The following NTSR1 variants were observed in gnomAD, a reference collection of about 807,000 sequenced individuals.
NTSR1 encodes the protein neurotensin receptor 1.
In NTSR1, 29 loss-of-function variants were observed where a neutral mutation model predicts 31.2. That is an observed-to-expected ratio of 0.93 (90% CI 0.69 to 1.27). The LOEUF is 1.27. NTSR1 is among the 50% of genes most tolerant of loss of function. The pLI is 0.00. For synonymous variants in NTSR1, 282 were observed against 269.9 expected, an observed-to-expected ratio of 1.04 and a Z score of -0.44; for missense variants, 697 against 595.4, an observed-to-expected ratio of 1.17 and a Z score of -1.78.
chr20:62,742,700 C>T lies in NTSR1; in HGVS notation c.715-11985C>T, dbSNP rs1989225812. Among the ~76,000 whole-genome samples the T allele has an allele frequency of 6.7e-6, 1 of 149,432 alleles. No homozygotes were observed. The highest frequency in any genetic ancestry group is 1.5e-5 in the Non-Finnish European group (1 of 67,998). On this transcript the variant is annotated intron_variant, in intron 1 of 3. Transcript: ENST00000370501. This position sits in a 1 kb window ranked among gnomAD's most constrained non-coding sequence, Gnocchi z 7.1. ...CCATGGTGTCTCCTCTGAGGACAGC[C>T]ACTGGTCAGAGCCTCCTGGATGACC...
chr20:62,737,874 C>A (rs972399621), intron 1 of NTSR1, among the ~76,000 whole-genome samples: 13 of 148,286 alleles, frequency 8.8e-5, no homozygotes, highest in African/African-American at 2.5e-4. Context: ...ACCCCCCACA[C>A]CCCTGCACCA....
chr20:62,760,409 C>A lies in NTSR1; in HGVS notation c.*142C>A, dbSNP rs1465001230. 9 of 782,476 alleles carry A rather than the reference C, an allele frequency of 1.2e-5. No individual in the cohort carries two copies. The highest frequency in any genetic ancestry group is 9.2e-5 in the African/African-American group (5 of 54,322). 48.5% of individuals were successfully genotyped at this position (782,476 alleles called of 1,614,324 possible). On this transcript the variant is annotated 3_prime_UTR_variant, in exon 4 of 4. Transcript: ENST00000370501. ...TGGAGTCTGAGGCCTGGGACCCCCC[C>A]CTCCCACCCCCTAACCCATGTTTCT...
chr20:62,718,186 G>A (rs986394262), intron 1 of NTSR1, among the ~76,000 whole-genome samples: 1 of 152,218 alleles, frequency 6.6e-6, no homozygotes, highest in Non-Finnish European at 1.5e-5. Context: ...TATTCTGGAA[G>A]AAGTGAGTGG....
At position 62,743,115 on chromosome 20, in the gene NTSR1, G is replaced by A. The variant is rs796199890; in HGVS notation, c.715-11570G>A. Among the ~76,000 whole-genome samples, 35 of 149,532 alleles carry A rather than the reference G, an allele frequency of 2.3e-4. 2 individuals are homozygous for A. The highest frequency in any genetic ancestry group is 8.0e-4 in the African/African-American group (32 of 40,110). On this transcript the variant is annotated intron_variant, in intron 1 of 3. Coordinates refer to ENST00000370501, the MANE Select transcript of NTSR1 (RefSeq NM_002531.3). The surrounding 1 kb of genome is among the most constrained non-coding windows in gnomAD (Gnocchi z 7.5). ...GAGAGTCAGGCTGGGAGGGGAGCACGGAGCCGCCCCTGCTGGACACGTATC... is the reference window on the plus strand; with the variant it reads ...GAGAGTCAGGCTGGGAGGGGAGCACAGAGCCGCCCCTGCTGGACACGTATC...
At chr20:62,717,860 A>G (rs1259046278) in intron 1 of NTSR1, among the ~76,000 whole-genome samples, 2 of 152,240 alleles carry the variant, frequency 1.3e-5, no homozygotes, top group Non-Finnish European at 2.9e-5. Flanking sequence ...CAGAGAAGAC[A>G]GAAAATAAGC....
At position 62,709,490 on chromosome 20, in the gene NTSR1, C is replaced by G. The variant is rs1266757351; in HGVS notation, c.283C>G (p.Gln95Glu). ...AFTLARKKSLQSLQSTVHYHL... is the reference protein window; with the variant it reads ...AFTLARKKSLESLQSTVHYHL... ...CACGCTGGCGCGGAAGAAGTCGCTGCAGAGCCTGCAGAGCACGGTGCATTA... is the reference window on the plus strand; with the variant it reads ...CACGCTGGCGCGGAAGAAGTCGCTGGAGAGCCTGCAGAGCACGGTGCATTA... The change falls in exon 1 of 4, where the codon CAG becomes GAG. Residue 95 changes from glutamine (Q) to glutamate (E), a missense_variant. By Grantham distance (29) the Gln-to-Glu change is conservative. Transcript: ENST00000370501. The G allele has an allele frequency of 1.5e-5, 24 of 1,612,472 alleles. No individual in the cohort carries two copies. The highest frequency in any genetic ancestry group is 2.0e-5 in the Non-Finnish European group (24 of 1,179,860).
intron 1 of NTSR1, among the ~76,000 whole-genome samples, chr20:62,724,849 C>A (rs796832174): frequency 6.6e-6 from 1 of 152,206 alleles, no homozygotes; most frequent in Admixed American, 6.5e-5. Context: ...GTGGCCGAAT[C>A]GCTCCTTTCT....
intron 1 of NTSR1, among the ~76,000 whole-genome samples, chr20:62,739,118 G>T (rs1989157264): frequency 6.6e-6 from 1 of 152,196 alleles, no homozygotes; most frequent in South Asian, 2.1e-4. Flanking sequence ...ACCTCATGTC[G>T]TGTGGCGCCG....
chr20:62,730,948 T>TA (rs1204389707), intron 1 of NTSR1, among the ~76,000 whole-genome samples: 1 of 152,266 alleles, frequency 6.6e-6, no homozygotes, highest in Non-Finnish European at 1.5e-5. Flanking sequence ...TGTTGAGTTG[T>TA]AAAAGTTCTT....
rs1568693265 is a variant in NTSR1, at chr20:62,709,538, T to C, written c.331T>C (p.Ser111Pro). Residue 111 changes from serine (S) to proline (P), a missense_variant, in exon 1 of 4, where the codon TCC (serine) becomes CCC (proline). Ser to Pro is a moderately conservative substitution (Grantham distance 74). Coordinates refer to ENST00000370501, the MANE Select transcript of NTSR1 (RefSeq NM_002531.3). ...VHYHLGSLAL[S>P]DLLTLLLAMP... ...TTACCACCTGGGCAGCCTGGCGCTG[T>C]CCGACCTGCTCACCCTGCTGCTGGC... is the stretch of plus-strand genomic sequence containing the variant. 2 of 1,612,210 alleles carry C rather than the reference T, an allele frequency of 1.2e-6. No individual in the cohort carries two copies. The highest frequency in any genetic ancestry group is 1.7e-6 in the Non-Finnish European group (2 of 1,179,836).
rs1989553886 is a variant in NTSR1, at chr20:62,758,420, G to C, written c.1007+64G>C. 1.4e-6 allele frequency: 2 copies of C among 1,458,394 alleles called. No individual in the cohort carries two copies. Among genetic ancestry groups the C allele is most frequent in the South Asian group, 2.3e-5 (2 of 86,874 alleles). 90.3% of individuals were successfully genotyped at this position (1,458,394 alleles called of 1,614,324 possible). A position where few individuals can be genotyped will look rare whatever the true frequency, so the allele number is the denominator to read the frequency against. On this transcript the variant is annotated intron_variant, in intron 3 of 3. Transcript: ENST00000370501. The surrounding 1 kb of genome is among the most constrained non-coding windows in gnomAD (Gnocchi z 4.5). The stretch of plus-strand genomic sequence containing the variant: ...TAAGTGCTCCCAAAACAGATGGTGG[G>C]TGTGGCAGGCACTGCTGAGGGGATC...
In NTSR1 at chr20:62,723,405, G is replaced by A. The variant is rs558245635; in HGVS notation, c.714+13484G>A. ...AAGTGTGTCTGGGCCGTGTCACTCC[G>A]GAGCTGCGAATAGAGCCGTCCGGAA... is the stretch of plus-strand genomic sequence containing the variant. On this transcript the variant is annotated intron_variant, in intron 1 of 3. Coordinates refer to ENST00000370501, the MANE Select transcript of NTSR1 (RefSeq NM_002531.3). 1.1e-4 allele frequency among the ~76,000 whole-genome samples: 16 copies of A among 152,332 alleles called. No individual in the cohort carries two copies. In the East Asian group the frequency reaches 2.9e-3, roughly 28 times the overall value.
chr20:62,739,082 G>A (rs1029753938), intron 1 of NTSR1, among the ~76,000 whole-genome samples: 6 of 152,218 alleles, frequency 3.9e-5, no homozygotes, highest in Admixed American at 2.0e-4. Context: ...AAAGCCCTGC[G>A]TGGCTGTGAG....
At chr20:62,723,459 C>T (rs946052488) in intron 1 of NTSR1, among the ~76,000 whole-genome samples, 14 of 152,188 alleles carry the variant, frequency 9.2e-5, no homozygotes, top group South Asian at 2.1e-4. Flanking sequence ...GGGCAAGGAA[C>T]GCTCATTTGT....
chr20:62,734,894 C>T (rs913767928), intron 1 of NTSR1, among the ~76,000 whole-genome samples: 15 of 152,248 alleles, frequency 9.9e-5, no homozygotes, highest in African/African-American at 2.9e-4. Flanking sequence ...CCTCACGTGG[C>T]CTGCATCCTA....
chr20:62,729,774 A>C (rs1204948904), intron 1 of NTSR1, among the ~76,000 whole-genome samples: 1 of 150,600 alleles, frequency 6.6e-6, no homozygotes, highest in African/African-American at 2.5e-5. Flanking sequence ...GGAGCCCGCC[A>C]CCTCCCTCAG....
chr20:62,718,198 C>A (rs1427233367), intron 1 of NTSR1, among the ~76,000 whole-genome samples: 1 of 152,028 alleles, frequency 6.6e-6, no homozygotes, highest in Admixed American at 6.6e-5. Context: ...AGTGAGTGGG[C>A]GTGGGAGATT....
intron 1 of NTSR1, among the ~76,000 whole-genome samples, chr20:62,712,711 C>T (rs1168122724): frequency 6.6e-6 from 1 of 152,214 alleles, no homozygotes; most frequent in African/African-American, 2.4e-5. Flanking sequence ...CTGGGTTCCC[C>T]TGGACTGTCC....
In NTSR1 at chr20:62,758,440, G is replaced by A. The variant is rs1024456599; in HGVS notation, c.1007+84G>A. 9 of 1,263,206 alleles carry A rather than the reference G, an allele frequency of 7.1e-6. No homozygotes were observed. The African/African-American group carries it at 1.2e-4, about 16-fold the overall frequency. The allele number at this position is 1,263,206 out of a possible 1,614,324, so 78.2% of individuals were successfully genotyped here. On this transcript the variant is annotated intron_variant, in intron 3 of 3. Coordinates refer to ENST00000370501, the MANE Select transcript of NTSR1 (RefSeq NM_002531.3). The surrounding 1 kb of genome is among the most constrained non-coding windows in gnomAD (Gnocchi z 4.5). Reference sequence around the variant, plus strand: ...GGTGGGTGTGGCAGGCACTGCTGAGGGGATCCACTCAGGGCAGGGGTGTGG... The same window carrying A: ...GGTGGGTGTGGCAGGCACTGCTGAGAGGATCCACTCAGGGCAGGGGTGTGG...
Sources: allele counts gnomAD v4.1 joint callset (sites outside exome capture counted in the v4.1 genomes callset), GRCh38; gene constraint gnomAD v4.1.1; non-coding constraint Gnocchi (gnomAD v3.1); transcripts MANE v1.5; gene names NCBI Gene and HGNC (gene_info 2026-07-23, HGNC 2026-07-21).